The following RIMS2 variants were observed in gnomAD, a reference collection of about 807,000 sequenced individuals.
RIMS2 encodes the protein regulating synaptic membrane exocytosis 2, also known as regulating synaptic membrane exocytosis protein 2.
A neutral mutation model predicts 174.4 loss-of-function variants in RIMS2; 59 were observed. That is an observed-to-expected ratio of 0.34 (90% CI 0.27 to 0.42). The LOEUF (loss-of-function observed/expected upper bound fraction) is 0.42, where lower values mean the gene tolerates loss of function less well. Ranked by LOEUF, RIMS2 falls within the 10% of genes least tolerant of loss-of-function variation. The pLI is 1.00. For synonymous variants in RIMS2, 606 were observed against 572.5 expected, an observed-to-expected ratio of 1.06 and a Z score of -0.84; for missense variants, 1,620 against 1,666.3, an observed-to-expected ratio of 0.97 and a Z score of 0.48.
chr8:103,848,879 T>C (rs1432451265), intron 3 of RIMS2, among the ~76,000 whole-genome samples: 1 of 152,060 alleles, frequency 6.6e-6, no homozygotes, highest in Non-Finnish European at 1.5e-5. Context: ...AGCTCTATCT[T>C]CTTTCTAACT....
At chr8:103,838,575 A>G (rs2098918603) in intron 3 of RIMS2, among the ~76,000 whole-genome samples, 1 of 152,188 alleles carries the variant, frequency 6.6e-6, no homozygotes, top group Non-Finnish European at 1.5e-5. Flanking sequence ...ACAGATACCA[A>G]TCTCAACATC....
chr8:104,117,586 C>T (rs984961258), intron 19 of RIMS2, among the ~76,000 whole-genome samples: 2 of 152,114 alleles, frequency 1.3e-5, no homozygotes, highest in Admixed American at 6.5e-5. Context: ...AGCAATCCCC[C>T]CTTCCTGGGC....
At chr8:104,237,800 T>A (rs1420971710) in intron 19 of RIMS2, among the ~76,000 whole-genome samples, 1 of 152,176 alleles carries the variant, frequency 6.6e-6, no homozygotes, top group South Asian at 2.1e-4. Flanking sequence ...TTTGTCTTTA[T>A]TTTGTTTAGA....
At chr8:103,924,898 A>G (rs998192133) in intron 10 of RIMS2, among the ~76,000 whole-genome samples, 8 of 151,592 alleles carry the variant, frequency 5.3e-5, no homozygotes, top group Non-Finnish European at 1.0e-4. Flanking sequence ...TGAAAATGCC[A>G]TTAATGTTTT....
Position 103,762,788 on chromosome 8 carries a change from G to A in RIMS2, c.388-3439G>A, listed in dbSNP as rs77715651. 6.2e-3 allele frequency among the ~76,000 whole-genome samples: 944 copies of A among 152,218 alleles called. 11 individuals are homozygous for A. The highest frequency in any genetic ancestry group is 8.2e-3 in the Non-Finnish European group (561 of 68,010). ...TACTTAAACAAATCTAGATGGTATA[G>A]CCTTCTACACACCTAGGCTAGATGA... is the stretch of plus-strand genomic sequence containing the variant. On this transcript the variant is annotated intron_variant, in intron 2 of 23. Transcript: ENST00000504942.
At chr8:104,192,499 A>G (rs2136438293) in intron 19 of RIMS2, among the ~76,000 whole-genome samples, 1 of 152,316 alleles carries the variant, frequency 6.6e-6, no homozygotes, top group Admixed American at 6.5e-5. Flanking sequence ...GTGATACAAT[A>G]AGCTGGAGAT....
intron 19 of RIMS2, among the ~76,000 whole-genome samples, chr8:104,023,456 A>G (rs2096163645): frequency 6.6e-6 from 1 of 152,196 alleles, no homozygotes; most frequent in Non-Finnish European, 1.5e-5. Context: ...TTCTGAATAG[A>G]TATTGAAGAT....
chr8:103,690,848 A>C (rs2097014488), intron 1 of RIMS2, among the ~76,000 whole-genome samples: 1 of 151,988 alleles, frequency 6.6e-6, no homozygotes, highest in South Asian at 2.1e-4. Flanking sequence ...TTCTTCTTTG[A>C]GATTGAAGAA....
At chr8:103,837,949 T>C (rs2098913526) in intron 3 of RIMS2, among the ~76,000 whole-genome samples, 1 of 150,962 alleles carries the variant, frequency 6.6e-6, no homozygotes, top group South Asian at 2.1e-4. Context: ...TCTTTTTTTT[T>C]TTTTTTTTCT....
chr8:104,192,851 G>A (rs182371319), intron 19 of RIMS2, among the ~76,000 whole-genome samples: 18 of 152,256 alleles, frequency 1.2e-4, no homozygotes, highest in Admixed American at 5.9e-4. Flanking sequence ...CAGTGAACAA[G>A]ACAGACACAT....
intron 1 of RIMS2, among the ~76,000 whole-genome samples, chr8:103,588,596 A>G (rs1332703041): frequency 6.6e-6 from 1 of 152,038 alleles, no homozygotes; most frequent in Non-Finnish European, 1.5e-5. Flanking sequence ...GAACCCAGAA[A>G]GAAATCCATA....
At chr8:103,987,583 ATGTTCATTAATATTGTCAC>A (rs553115831) in intron 16 of RIMS2, among the ~76,000 whole-genome samples, 170 of 152,272 alleles carry the variant, frequency 1.1e-3, no homozygotes, top group African/African-American at 3.4e-3. Flanking sequence ...TAAGAGATGG[ATGTTCATTAATATTGTCAC>A]TGTTTAAAAT....
intron 1 of RIMS2, among the ~76,000 whole-genome samples, chr8:103,569,174 A>G (rs1374071492): frequency 6.6e-6 from 1 of 152,118 alleles, no homozygotes. Flanking sequence ...TTTGGCTTTG[A>G]CATTTAGGTC....
rs1255351130 is a variant in RIMS2, at chr8:103,918,165, G to T, written c.2037-276G>T. On this transcript the variant is annotated intron_variant, in intron 8 of 23. Transcript: ENST00000504942. ...CAAATTTTTTATAATGGGTAATTGT[G>T]TAGTGAGGCACATAGAAAATAAAGT... Among the ~76,000 whole-genome samples the T allele has an allele frequency of 9.2e-5, 14 of 152,274 alleles. No individual in the cohort carries two copies. The East Asian group carries it at 2.3e-3, about 25-fold the overall frequency.
chr8:103,975,356 G>A (rs771535119), exon 16 of RIMS2: 12 of 1,609,364 alleles, frequency 7.5e-6, no homozygotes, highest in African/African-American at 5.4e-5. Flanking sequence ...TTAGATTATC[G>A]ACATGATGGT....
In RIMS2 at chr8:103,886,014, A is replaced by G. The variant is rs535180959; in HGVS notation, c.1415A>G (p.Glu472Gly). The G allele has an allele frequency of 2.5e-6, 4 of 1,612,990 alleles. 1 individual carries two copies. The South Asian group carries it at 4.4e-5, about 18-fold the overall frequency. The change falls in exon 4 of 24, where the codon GAA (glutamate) becomes GGA (glycine). Residue 472 changes from glutamate to glycine, a missense_variant. This residue lies in a region of RIMS2 where 1,395 missense variants were observed against 1,360.1 expected (regional missense o/e 1.03). Transcript: ENST00000504942. ...TCTGCTGTAAGAAAAACAAAACGGG[A>G]AAAAATGGAAACAATGTTAAGGAAT...
At chr8:104,013,336 C>T (rs1216120745) in intron 17 of RIMS2, 106 bp from the exon 20 acceptor site, 1 of 883,670 alleles carries the variant, frequency 1.1e-6, no homozygotes, top group East Asian at 2.7e-5. Context: ...TTACATACTC[C>T]ATAATTTTAA....
intron 19 of RIMS2, among the ~76,000 whole-genome samples, chr8:104,137,989 C>T (rs967983370): frequency 1.3e-5 from 2 of 152,122 alleles, no homozygotes; most frequent in Non-Finnish European, 2.9e-5. Context: ...AATCTAGGTC[C>T]ATGCGTGTAG....
intron 1 of RIMS2, among the ~76,000 whole-genome samples, chr8:103,570,872 T>C (rs2132336522): frequency 6.6e-6 from 1 of 152,218 alleles, no homozygotes; most frequent in Non-Finnish European, 1.5e-5. Context: ...TTAAAAGTAA[T>C]TGCAAAAGCT....
Sources: gnomAD v4.1 joint callset for allele counts (sites outside exome capture counted in the v4.1 genomes callset) on GRCh38, gnomAD v4.1.1 for gene constraint, gnomAD v4.1.1 regional missense constraint, MANE v1.5 for transcripts, NCBI Gene and HGNC (gene_info 2026-07-23, HGNC 2026-07-21) for gene names.